Variants in BRD10 observed in about 807,000 individuals in gnomAD.
BRD10 encodes bromodomain containing 10.
At chr9:6,006,760 G>A in the BRD10 span, among the ~76,000 whole-genome samples, 10 of 152,104 alleles carry the variant, frequency 6.6e-5, no homozygotes, top group Admixed American at 5.9e-4. Flanking sequence ...ATTTTTTAAT[G>A]GTTTAAGACA....
the BRD10 span, among the ~76,000 whole-genome samples, chr9:5,970,453 T>TA: frequency 6.6e-6 from 1 of 152,168 alleles, no homozygotes; most frequent in Non-Finnish European, 1.5e-5. Context: ...AGCACTACTA[T>TA]AAAAACTTAA....
At chr9:5,909,507 C>G in the BRD10 span, 1 of 152,326 alleles carries the variant, frequency 6.6e-6, no homozygotes, top group African/African-American at 2.4e-5. Context: ...ATCTGCCCGC[C>G]TCAGCCTCCC....
chr9:5,956,686 T>C, the BRD10 span, among the ~76,000 whole-genome samples: 1 of 152,212 alleles, frequency 6.6e-6, no homozygotes, highest in East Asian at 1.9e-4. Context: ...TCTTTTAATT[T>C]TCTTTAAATT....
the BRD10 span, among the ~76,000 whole-genome samples, chr9:6,003,092 T>C: frequency 6.6e-6 from 1 of 152,142 alleles, no homozygotes; most frequent in African/African-American, 2.4e-5. Flanking sequence ...TTTTATCCCA[T>C]ACATGTACCA....
chr9:5,926,833 C>T, the BRD10 span, among the ~76,000 whole-genome samples: 34,911 of 152,036 alleles, frequency 0.23, 4,193 homozygotes, highest in South Asian at 0.33. Context: ...TCCTTAATTT[C>T]CAAAACATTA....
the BRD10 span, among the ~76,000 whole-genome samples, chr9:5,961,860 T>A: frequency 1.3e-5 from 2 of 152,198 alleles, no homozygotes; most frequent in Non-Finnish European, 2.9e-5. Flanking sequence ...TTCAACCAAA[T>A]TGTCTTTGTG....
the BRD10 span, chr9:5,920,546 G>A: frequency 6.2e-7 from 1 of 1,613,954 alleles, no homozygotes; most frequent in Non-Finnish European, 8.5e-7. Context: ...TATTTTACCT[G>A]GACTTGTTGA....
the BRD10 span, among the ~76,000 whole-genome samples, chr9:5,974,886 C>T: frequency 6.6e-6 from 1 of 152,130 alleles, no homozygotes; most frequent in Non-Finnish European, 1.5e-5. Flanking sequence ...AATAATTAGA[C>T]CTGGACTAGC....
the BRD10 span, among the ~76,000 whole-genome samples, chr9:5,901,094 G>C: frequency 1.3e-5 from 2 of 152,034 alleles, no homozygotes; most frequent in East Asian, 1.9e-4. Flanking sequence ...AACCGGTAGA[G>C]TGGATCATAC....
At chr9:5,915,471 T>C in the BRD10 span, among the ~76,000 whole-genome samples, 2 of 152,236 alleles carry the variant, frequency 1.3e-5, no homozygotes, top group Non-Finnish European at 2.9e-5. Flanking sequence ...AGTTCCCCCA[T>C]ATACTTTCGA....
chr9:5,991,907 T>C, the BRD10 span, among the ~76,000 whole-genome samples: 5 of 152,272 alleles, frequency 3.3e-5, no homozygotes, highest in East Asian at 9.7e-4. Flanking sequence ...GTATTCCAGC[T>C]ACAAAACTCT....
At chr9:5,914,144 G>A in the BRD10 span, 1 of 419,854 alleles carries the variant, frequency 2.4e-6, no homozygotes, top group Non-Finnish European at 4.7e-6. Flanking sequence ...AGTGGTTCCT[G>A]CTGTTCCACG....
chr9:5,984,868 C>G, the BRD10 span, among the ~76,000 whole-genome samples: 2 of 151,760 alleles, frequency 1.3e-5, no homozygotes, highest in East Asian at 1.9e-4. Context: ...TCCATGTAAT[C>G]TCAATCAACC....
At chr9:5,941,815 T>TTA in the BRD10 span, among the ~76,000 whole-genome samples, 4 of 152,104 alleles carry the variant, frequency 2.6e-5, no homozygotes, top group African/African-American at 4.8e-5. Context: ...AAATGGAATG[T>TTA]TTACCTGAGT....
At chr9:5,969,100 T>A in the BRD10 span, 5 of 1,613,782 alleles carry the variant, frequency 3.1e-6, no homozygotes, top group Non-Finnish European at 3.4e-6. Flanking sequence ...ACCACTGTTG[T>A]ACTTTCTGCC....
At chr9:5,907,241 G>A in the BRD10 span, 1 of 267,368 alleles carries the variant, frequency 3.7e-6, no homozygotes, top group Non-Finnish European at 6.9e-6. Context: ...CATACCCAGT[G>A]TTTCCAGGGT....
the BRD10 span, among the ~76,000 whole-genome samples, chr9:5,930,369 T>TTTTATACATATATATATA: frequency 7.4e-6 from 1 of 135,536 alleles, no homozygotes; most frequent in South Asian, 2.5e-4. Flanking sequence ...TATAAGGAGA[T>TTTTATACATATATATATA]TATATATATA....
the BRD10 span, chr9:5,928,912 A>G: frequency 7.3e-6 from 4 of 547,154 alleles, no homozygotes; most frequent in Non-Finnish European, 1.3e-5. Flanking sequence ...AGCCTTGCAC[A>G]CAGTGGGCAG....
chr9:5,915,127 TAC>T, the BRD10 span, among the ~76,000 whole-genome samples: 3 of 152,208 alleles, frequency 2.0e-5, no homozygotes, highest in Admixed American at 6.5e-5. Flanking sequence ...CTAAATTTTA[TAC>T]AGTCAAAAAT....
Sources: allele counts gnomAD v4.1 joint callset (sites outside exome capture counted in the v4.1 genomes callset), GRCh38; gene constraint gnomAD v4.1.1; transcripts MANE v1.5; gene names NCBI Gene and HGNC (gene_info 2026-07-23, HGNC 2026-07-21).